The following PLCE1 variants were observed in gnomAD, a reference collection of about 807,000 sequenced individuals.
PLCE1 encodes 1-phosphatidylinositol 4,5-bisphosphate phosphodiesterase epsilon-1.
PLCE1 carries 119 observed loss-of-function variants against 242.8 expected under a neutral mutation model. That is an observed-to-expected ratio of 0.49 (90% CI 0.42 to 0.57). PLCE1 has a LOEUF of 0.57. Among genes scored for constraint, PLCE1 ranks in the 20% least tolerant of loss-of-function variants. The probability of loss-of-function intolerance (pLI) is 0.00; values close to 1 mark genes in which losing one functional copy is unlikely to be tolerated. For synonymous variants in PLCE1, 945 were observed against 1,017.4 expected, an observed-to-expected ratio of 0.93 and a Z score of 1.35; for missense variants, 2,441 against 2,788.8, an observed-to-expected ratio of 0.88 and a Z score of 2.81.
At chr10:94,090,992 G>C (rs2045046040) in intron 2 of PLCE1, among the ~76,000 whole-genome samples, 1 of 152,116 alleles carries the variant, frequency 6.6e-6, no homozygotes, top group Non-Finnish European at 1.5e-5. Context: ...GAGGAATCTA[G>C]ACAAGCTATT....
chr10:94,248,995 C>G (rs2050782754), intron 8 of PLCE1, among the ~76,000 whole-genome samples: 1 of 152,148 alleles, frequency 6.6e-6, no homozygotes, highest in African/African-American at 2.4e-5. Flanking sequence ...AGAACAGAGA[C>G]AGAAGTGACT....
At chr10:94,183,354 G>A (rs551712505) in intron 4 of PLCE1, among the ~76,000 whole-genome samples, 17 of 152,218 alleles carry the variant, frequency 1.1e-4, no homozygotes, top group African/African-American at 3.9e-4. Flanking sequence ...TGGGGAATAT[G>A]GCACAGAACA....
chr10:94,011,649 G>T (rs2061169980), intron 1 of PLCE1, among the ~76,000 whole-genome samples: 2 of 152,120 alleles, frequency 1.3e-5, no homozygotes, highest in African/African-American at 2.4e-5. Flanking sequence ...GGACGGGTGG[G>T]TTGGATTTGA....
At chr10:94,183,916 A>C (rs544489757) in intron 4 of PLCE1, among the ~76,000 whole-genome samples, 2 of 152,122 alleles carry the variant, frequency 1.3e-5, no homozygotes, top group East Asian at 3.9e-4. Context: ...GCACTAAGCT[A>C]TTCATAAGGG....
At chr10:94,256,606 C>T (rs1264346273) in intron 11 of PLCE1, among the ~76,000 whole-genome samples, 1 of 152,120 alleles carries the variant, frequency 6.6e-6, no homozygotes, top group Non-Finnish European at 1.5e-5. Flanking sequence ...ATACTTTCAG[C>T]CTGTGTAGTA....
At chr10:94,022,543 T>C (rs1186538738) in intron 1 of PLCE1, among the ~76,000 whole-genome samples, 3 of 152,052 alleles carry the variant, frequency 2.0e-5, no homozygotes. Context: ...GCTAACTATA[T>C]TATAGAGTAG....
chr10:94,119,793 T>C (rs1347336339), intron 2 of PLCE1, among the ~76,000 whole-genome samples: 1 of 152,204 alleles, frequency 6.6e-6, no homozygotes, highest in Non-Finnish European at 1.5e-5. Flanking sequence ...AGAAGCTCTT[T>C]TACTCATTAT....
Position 94,321,939 on chromosome 10 carries a change from G to T in PLCE1, c.6381G>T (p.Glu2127Asp). 1 of 1,613,774 alleles carries T rather than the reference G, an allele frequency of 6.2e-7. No individual in the cohort carries two copies. Among genetic ancestry groups the T allele is most frequent in the East Asian group, 2.2e-5 (1 of 44,878 alleles). Residue 2127 changes from glutamate to aspartate, a missense_variant, in exon 30 of 33, where the codon GAG becomes GAT. Physicochemically the swap from Glu to Asp is conservative, Grantham distance 45. Coordinates refer to ENST00000371380, the MANE Select transcript of PLCE1 (RefSeq NM_016341.4). Reference sequence around the variant, plus strand: ...AAAACATTGTTCAAGATGACAAAGAGGTGATCTTGAGCTCAGAGGAGGAGA... The same window carrying T: ...AAAACATTGTTCAAGATGACAAAGATGTGATCTTGAGCTCAGAGGAGGAGA... ...EEKNIVQDDK[E>D]VILSSEEESF...
intron 2 of PLCE1, among the ~76,000 whole-genome samples, chr10:94,130,010 T>G (rs2046550205): frequency 6.6e-6 from 1 of 152,218 alleles, no homozygotes; most frequent in Non-Finnish European, 1.5e-5. Context: ...GTTAGAGAAA[T>G]GCCTGCTTTC....
chr10:94,224,345 G>C (rs750860784), intron 4 of PLCE1, among the ~76,000 whole-genome samples: 2 of 152,210 alleles, frequency 1.3e-5, no homozygotes, highest in African/African-American at 2.4e-5. Flanking sequence ...CACAAACCAA[G>C]TGGTGGTCTC....
chr10:94,272,411 A>G (rs7910752), intron 18 of PLCE1, among the ~76,000 whole-genome samples: 52,475 of 152,004 alleles, frequency 0.35, 9,536 homozygotes, highest in Admixed American at 0.46. Flanking sequence ...GTCACACCTT[A>G]TGGTTGTCTT....
At chr10:94,169,745 C>T (rs538867060) in intron 3 of PLCE1, among the ~76,000 whole-genome samples, 2 of 152,246 alleles carry the variant, frequency 1.3e-5, no homozygotes, top group South Asian at 2.1e-4. Flanking sequence ...AATTAGCACC[C>T]GCCCCATCAC....
intron 3 of PLCE1, among the ~76,000 whole-genome samples, chr10:94,140,788 T>C (rs1253071410): frequency 6.6e-6 from 1 of 152,250 alleles, no homozygotes; most frequent in Non-Finnish European, 1.5e-5. Context: ...ATAGCTCTAA[T>C]TCCAAGATTT....
chr10:94,321,846 T>G, intron 29 of PLCE1, 55 bp from the exon 30 acceptor site: 15 of 1,400,282 alleles, frequency 1.1e-5, no homozygotes, highest in Non-Finnish European at 1.4e-5. Context: ...AGATTTGTCT[T>G]TCTTTATTCT....
At chr10:94,027,726 C>T (rs2061477619) in intron 1 of PLCE1, among the ~76,000 whole-genome samples, 1 of 152,164 alleles carries the variant, frequency 6.6e-6, no homozygotes, top group South Asian at 2.1e-4. Flanking sequence ...GAGGCTGAGG[C>T]AGGAGAATCG....
chr10:94,255,214 A>G (rs748848597), intron 11 of PLCE1, among the ~76,000 whole-genome samples, 165 bp downstream of exon 11: 1 of 152,200 alleles, frequency 6.6e-6, no homozygotes, highest in Non-Finnish European at 1.5e-5. Context: ...AATTCTCCCA[A>G]TTTTGTACTC....
At chr10:94,128,502 T>A (rs1175253906) in intron 2 of PLCE1, among the ~76,000 whole-genome samples, 1 of 152,216 alleles carries the variant, frequency 6.6e-6, no homozygotes, top group Non-Finnish European at 1.5e-5. Context: ...AGAGCTTCAT[T>A]CACAGAGCAC....
intron 2 of PLCE1, among the ~76,000 whole-genome samples, chr10:94,085,095 G>T (rs1307570315): frequency 6.6e-6 from 1 of 152,110 alleles, no homozygotes; most frequent in Non-Finnish European, 1.5e-5. Context: ...ACCTACTCTG[G>T]ACCAGTCACT....
At chr10:94,185,200 A>C (rs1300149172) in intron 4 of PLCE1, among the ~76,000 whole-genome samples, 1 of 152,234 alleles carries the variant, frequency 6.6e-6, no homozygotes, top group African/African-American at 2.4e-5. Context: ...GTATAATTCC[A>C]TCATTAAGTT....
Sources: gnomAD v4.1 joint callset for allele counts (sites outside exome capture counted in the v4.1 genomes callset) on GRCh38, gnomAD v4.1.1 for gene constraint, MANE v1.5 for transcripts, NCBI Gene and HGNC (gene_info 2026-07-23, HGNC 2026-07-21) for gene names.